Variants in LIN52 observed in about 807,000 individuals in gnomAD.
The protein encoded by LIN52 is lin-52 DREAM MuvB core complex component, also known as protein lin-52 homolog.
A neutral mutation model predicts 18.5 loss-of-function variants in LIN52; 4 were observed. The ratio of observed to expected loss-of-function variants is 0.22; its 90% CI spans 0.11 to 0.49. The LOEUF (loss-of-function observed/expected upper bound fraction) is 0.49. Among genes scored for constraint, LIN52 ranks in the 20% least tolerant of loss-of-function variants. The pLI is 0.97. For synonymous variants in LIN52, 34 were observed against 45.5 expected (o/e 0.75, Z 1.02); for missense variants, 102 against 139.5 (o/e 0.73, Z 1.35).
intron 1 of LIN52, 59 bp from the exon 2 acceptor site, chr14:74,091,173 G>T: frequency 8.2e-7 from 1 of 1,213,956 alleles, no homozygotes; most frequent in Non-Finnish European, 1.2e-6. Context: ...TGAGATTGAA[G>T]TATCATATAC....
At chr14:74,092,261 C>T (rs971782483) in intron 2 of LIN52, among the ~76,000 whole-genome samples, 8 of 149,616 alleles carry the variant, frequency 5.3e-5, no homozygotes, top group East Asian at 2.0e-4. Context: ...TGTGAGCCAC[C>T]GTGCCTAGCC....
At chr14:74,106,811 C>T (rs1235297005) in intron 5 of LIN52, among the ~76,000 whole-genome samples, 1 of 152,038 alleles carries the variant, frequency 6.6e-6, no homozygotes, top group Non-Finnish European at 1.5e-5. Flanking sequence ...AGGCTGGTCT[C>T]GAACTTCTGT....
At chr14:74,121,428 G>C (rs1047063456) in intron 5 of LIN52, among the ~76,000 whole-genome samples, 9 of 152,200 alleles carry the variant, frequency 5.9e-5, no homozygotes, top group Non-Finnish European at 1.3e-4. Flanking sequence ...ACTAATGTGA[G>C]ACTAACATTT....
chr14:74,087,634 G>A (rs933785977), intron 1 of LIN52, among the ~76,000 whole-genome samples: 32 of 151,890 alleles, frequency 2.1e-4, no homozygotes, highest in Non-Finnish European at 8.8e-5. Context: ...ATATTCCACG[G>A]CCTAGCTCTT....
chr14:74,114,175 AGTGTGT>A (rs55840907), intron 5 of LIN52: 43,575 of 892,516 alleles, frequency 0.049, 218 homozygotes, highest in African/African-American at 0.095. Flanking sequence ...AACTGAGATT[AGTGTGT>A]GTGTGTGTGT....
intron 5 of LIN52, among the ~76,000 whole-genome samples, chr14:74,175,752 C>CACACACACACACACACACACA (rs1566867516): frequency 2.6e-5 from 3 of 116,084 alleles, no homozygotes; most frequent in African/African-American, 1.2e-4. Context: ...ACACACACAC[C>CACACACACACACACACACACA]CCCATTATAC....
At chr14:74,096,809 G>A (rs1233687198) in intron 3 of LIN52, among the ~76,000 whole-genome samples, 1 of 152,002 alleles carries the variant, frequency 6.6e-6, no homozygotes, top group East Asian at 1.9e-4. Context: ...TTTTTCCACT[G>A]GACCCTTCCC....
intron 5 of LIN52, among the ~76,000 whole-genome samples, chr14:74,146,149 C>T (rs2061151742): frequency 6.6e-6 from 1 of 152,072 alleles, no homozygotes; most frequent in Non-Finnish European, 1.5e-5. Flanking sequence ...GTCATGAATC[C>T]CATGTTTCCT....
At chr14:74,130,088 A>C (rs1312542535) in intron 5 of LIN52, among the ~76,000 whole-genome samples, 1 of 151,942 alleles carries the variant, frequency 6.6e-6, no homozygotes, top group Non-Finnish European at 1.5e-5. Context: ...ACAGTATGGG[A>C]GAAACTGCCC....
chr14:74,103,801 T>G (rs905889570), intron 5 of LIN52, among the ~76,000 whole-genome samples: 1 of 140,520 alleles, frequency 7.1e-6, no homozygotes, highest in African/African-American at 2.6e-5. Flanking sequence ...TTGCCTAGGC[T>G]GGACTTGAGT....
chr14:74,162,990 A>G (rs1054609648), intron 5 of LIN52, among the ~76,000 whole-genome samples: 7 of 152,096 alleles, frequency 4.6e-5, no homozygotes, highest in Admixed American at 1.3e-4. Context: ...ATCATTTTAT[A>G]TTTACAATTA....
At chr14:74,195,544 GTGTGTGTGTGTA>G (rs1178456985) in intron 5 of LIN52, among the ~76,000 whole-genome samples, 3 of 84,472 alleles carry the variant, frequency 3.6e-5, no homozygotes, top group Non-Finnish European at 7.4e-5. Context: ...GTGTGTGTGG[GTGTGTGTGTGTA>G]TGTGTGTGTG....
intron 5 of LIN52, among the ~76,000 whole-genome samples, chr14:74,123,109 T>C (rs1291591051): frequency 6.6e-6 from 1 of 152,172 alleles, no homozygotes; most frequent in African/African-American, 2.4e-5. Context: ...ATGAGCAGCA[T>C]ATGAGAAATT....
chr14:74,179,927 T>C (rs2061310916), intron 5 of LIN52, among the ~76,000 whole-genome samples: 1 of 152,202 alleles, frequency 6.6e-6, no homozygotes, highest in Admixed American at 6.5e-5. Flanking sequence ...GAATCACCTG[T>C]AGGGCTGGCT....
At chr14:74,121,976 G>GT (rs972389864) in intron 5 of LIN52, among the ~76,000 whole-genome samples, 4 of 151,834 alleles carry the variant, frequency 2.6e-5, no homozygotes, top group Non-Finnish European at 5.9e-5. Flanking sequence ...TGGAATTTTT[G>GT]TTTATCATGT....
chr14:74,101,489 C>T (rs999309722), intron 5 of LIN52, among the ~76,000 whole-genome samples: 149 of 147,116 alleles, frequency 1.0e-3, no homozygotes, highest in African/African-American at 3.6e-3. Flanking sequence ...GACGGAGTCT[C>T]GCTCTGTCGC....
At position 74,201,401 on chromosome 14, in the gene LIN52, A is replaced by G. The variant is rs1408045096; in HGVS notation, c.*2424A>G. ...TACTTGGTCTCCTGCCTTCCATTCT[A>G]TCCTACCACTGCCCAACACCCGAAA... On this transcript the variant is annotated 3_prime_UTR_variant, in exon 6 of 6. Transcript: ENST00000555028. Among the ~76,000 whole-genome samples the G allele has an allele frequency of 1.3e-5, 2 of 152,072 alleles. No individual in the cohort carries two copies. The highest frequency in any genetic ancestry group is 3.9e-4 in the East Asian group (2 of 5,184).
intron 5 of LIN52, among the ~76,000 whole-genome samples, chr14:74,105,346 G>A (rs1245646911): frequency 1.3e-5 from 2 of 152,152 alleles, no homozygotes; most frequent in African/African-American, 4.8e-5. Context: ...AGTCCCATGA[G>A]CACAGCTGAG....
chr14:74,196,350 TTG>T (rs2078912153), intron 5 of LIN52, among the ~76,000 whole-genome samples: 1 of 152,168 alleles, frequency 6.6e-6, no homozygotes, highest in Non-Finnish European at 1.5e-5. Context: ...ATTTTCCCAT[TTG>T]GGGAAAAACA....
Sources: gnomAD v4.1 joint callset for allele counts (sites outside exome capture counted in the v4.1 genomes callset) on GRCh38, gnomAD v4.1.1 for gene constraint, MANE v1.5 for transcripts, NCBI Gene and HGNC (gene_info 2026-07-23, HGNC 2026-07-21) for gene names.